POLE: variants seen among roughly 807,000 people sequenced by gnomAD.
POLE encodes DNA polymerase epsilon catalytic subunit A.
In POLE, 188 loss-of-function variants were observed where a neutral mutation model predicts 279.2. The ratio of observed to expected loss-of-function variants is 0.67; its 90% CI spans 0.60 to 0.76. POLE has a LOEUF of 0.76. POLE is among the 30% of genes least tolerant of loss of function. The pLI is 0.00. For missense variants in POLE, 2,703 were observed against 3,016.7 expected, an observed-to-expected ratio of 0.90 and a Z score of 2.44; for synonymous variants, 1,214 against 1,172.5, an observed-to-expected ratio of 1.04 and a Z score of -0.72.
At chr12:132,676,695 C>T (rs1255039604) in intron 8 of POLE, 42 bp from the exon 9 acceptor site, 1 of 1,260,592 alleles carries the variant, frequency 7.9e-7, no homozygotes, top group Non-Finnish European at 1.2e-6. Flanking sequence ...TCTAAACTCC[C>T]CATTAGGCCT....
chr12:132,626,340 C>T (rs375597878), intron 45 of POLE, 23 bp from the exon 46 acceptor site: 12 of 1,611,542 alleles, frequency 7.4e-6, no homozygotes, highest in Middle Eastern at 1.6e-4. Context: ...CAGCCCACAT[C>T]GGGAAGGAGC....
At chr12:132,679,442 T>C (rs1411111939) in intron 6 of POLE, 55 bp downstream of exon 6, 1 of 1,545,986 alleles carries the variant, frequency 6.5e-7, no homozygotes, top group Non-Finnish European at 8.8e-7. Flanking sequence ...TCCTGTCTCC[T>C]ATCCATCTTG....
chr12:132,680,726 T>C, intron 2 of POLE, 39 bp from the exon 3 acceptor site: 1 of 1,490,134 alleles, frequency 6.7e-7, no homozygotes, highest in African/African-American at 1.4e-5. Flanking sequence ...AAGACCATCC[T>C]CTACACAGTT....
intron 27 of POLE, 41 bp from the exon 28 acceptor site, chr12:132,657,470 A>G (rs2042571421): frequency 6.4e-7 from 1 of 1,553,180 alleles, no homozygotes; most frequent in African/African-American, 1.4e-5. Context: ...AGCAGGTGGC[A>G]GCAGCCAAGA....
chr12:132,648,863 T>C (rs2138594674), intron 32 of POLE, 66 bp downstream of exon 32: 1 of 1,537,642 alleles, frequency 6.5e-7, no homozygotes, highest in Admixed American at 1.8e-5. Flanking sequence ...GAGGCCAGGC[T>C]AGATCATGGG....
At chr12:132,662,575 G>A (rs2042703477) in intron 23 of POLE, among the ~76,000 whole-genome samples, 1 of 152,148 alleles carries the variant, frequency 6.6e-6, no homozygotes. Context: ...ATGAGAGACT[G>A]GAAGCTATGA....
At chr12:132,678,574 C>T (rs1164056351) in intron 6 of POLE, among the ~76,000 whole-genome samples, 1 of 152,132 alleles carries the variant, frequency 6.6e-6, no homozygotes, top group African/African-American at 2.4e-5. Flanking sequence ...AAGACCCTGT[C>T]TCAAAACAAA....
intron 32 of POLE, among the ~76,000 whole-genome samples, chr12:132,645,433 C>A (rs2042261200): frequency 6.6e-6 from 1 of 152,154 alleles, no homozygotes; most frequent in African/African-American, 2.4e-5. Flanking sequence ...TAGCTTCATG[C>A]ATGAACCAGC....
intron 29 of POLE, 75 bp downstream of exon 29, chr12:132,657,061 C>G: frequency 3.3e-6 from 5 of 1,509,264 alleles, no homozygotes; most frequent in South Asian, 1.1e-5. Flanking sequence ...ACAGCACACA[C>G]AGCAGCGCAA....
At position 132,638,060 on chromosome 12, in the gene POLE, G is replaced by A. The variant is rs199979862; in HGVS notation, c.5632C>T (p.Arg1878Cys). 4 of 1,613,944 alleles carry A rather than the reference G, an allele frequency of 2.5e-6. No homozygotes were observed. Among genetic ancestry groups the A allele is most frequent in the East Asian group, 2.2e-5 (1 of 44,876 alleles). The part of the protein sequence containing the change: ...FNRIILCTKK[R>C]RVEDAIAYVE... ...TAAGCGATGGCATCTTCCACACGGC[G>A]CTTCTTTGTACAGAGGATGATGCGG... is the stretch of plus-strand genomic sequence containing the variant. The change falls in exon 41 of 49, where the codon CGC becomes TGC. Residue 1878 changes from arginine to cysteine, a missense_variant. By Grantham distance (180) the Arg-to-Cys change is radical. Transcript: ENST00000320574.
In POLE at chr12:132,672,684, G is replaced by A. The variant is rs1351573240; in HGVS notation, c.1629C>T (p.His543=). The A allele has an allele frequency of 2.5e-6, 4 of 1,614,146 alleles. No homozygotes were observed. Among genetic ancestry groups the A allele is most frequent in the Admixed American group, 1.7e-5 (1 of 60,038 alleles). The part of the protein sequence containing the change: ...VLDSETYVGG[H]VEALESGVFR... ...AAACCCCAGACTCGAGGGCCTCCACGTGGCCCCCGACGTAGGTCTCAGAGT... is the reference window on the plus strand; with the variant it reads ...AAACCCCAGACTCGAGGGCCTCCACATGGCCCCCGACGTAGGTCTCAGAGT... The change falls in exon 15 of 49, where the codon CAC becomes CAT. Residue 543 remains histidine (H), a synonymous_variant. Transcript: ENST00000320574.
At chr12:132,681,390 C>T (rs1178403600) in intron 1 of POLE, 111 bp from the exon 2 acceptor site, 7 of 1,134,100 alleles carry the variant, frequency 6.2e-6, no homozygotes, top group Non-Finnish European at 8.6e-6. Context: ...GTCGCCTAGG[C>T]TGGAGTGCAG....
intron 45 of POLE, among the ~76,000 whole-genome samples, chr12:132,630,602 T>A (rs563853220): frequency 6.6e-6 from 1 of 151,726 alleles, no homozygotes; most frequent in Non-Finnish European, 1.5e-5. Context: ...ATACAAAAAA[T>A]TGGGGGGGCG....
chr12:132,672,484 G>T, intron 15 of POLE, 143 bp downstream of exon 15: 1 of 1,063,152 alleles, frequency 9.4e-7, no homozygotes, highest in East Asian at 2.5e-5. Context: ...AGCCCCCGGG[G>T]GGTGCTGGGC....
rs1453853935 is a variant in POLE at position 132,634,162 on chromosome 12, C to T, written c.6004+24G>A. 18 of 1,584,280 alleles carry T rather than the reference C, an allele frequency of 1.1e-5. No homozygotes were observed. Among genetic ancestry groups the T allele is most frequent in the East Asian group, 2.2e-5 (1 of 44,614 alleles). On this transcript the variant is annotated intron_variant, in intron 43 of 48. Coordinates refer to ENST00000320574, the MANE Select transcript of POLE (RefSeq NM_006231.4). The surrounding 1 kb of genome is among the most constrained non-coding windows in gnomAD (Gnocchi z 4.0). Reference sequence around the variant, plus strand: ...CCATGAGTCCCTTCAGTGGGGGCTGCGCAGCCCTGGGCTCTGGGCTTACCT... The same window carrying T: ...CCATGAGTCCCTTCAGTGGGGGCTGTGCAGCCCTGGGCTCTGGGCTTACCT...
chr12:132,634,152 G>T lies in POLE; in HGVS notation c.6004+34C>A. Reference sequence around the variant, plus strand: ...CATCTACTAACCATGAGTCCCTTCAGTGGGGGCTGCGCAGCCCTGGGCTCT... The same window carrying T: ...CATCTACTAACCATGAGTCCCTTCATTGGGGGCTGCGCAGCCCTGGGCTCT... On this transcript the variant is annotated intron_variant, in intron 43 of 48. Coordinates refer to ENST00000320574, the MANE Select transcript of POLE (RefSeq NM_006231.4). This position sits in a 1 kb window ranked among gnomAD's most constrained non-coding sequence, Gnocchi z 4.0. The T allele has an allele frequency of 1.3e-6, 2 of 1,562,512 alleles. No individual in the cohort carries two copies. The highest frequency in any genetic ancestry group is 1.7e-6 in the Non-Finnish European group (2 of 1,144,694).
chr12:132,624,134 G>A lies in POLE; in HGVS notation c.*563C>T, dbSNP rs1393520839. 1.4e-5 allele frequency: 3 copies of A among 214,368 alleles called. No individual in the cohort carries two copies. The highest frequency in any genetic ancestry group is 2.8e-5 in the Non-Finnish European group (3 of 106,406). 13.3% of individuals were successfully genotyped at this position (214,368 alleles called of 1,614,324 possible). ...AGCAGGGCTCACAAGCCAAAATCCA[G>A]ATTCTCACGGGTTAGGGTCTGGATT... is the stretch of plus-strand genomic sequence containing the variant. On this transcript the variant is annotated 3_prime_UTR_variant, in exon 49 of 49. Coordinates refer to ENST00000320574, the MANE Select transcript of POLE (RefSeq NM_006231.4).
At position 132,668,261 on chromosome 12, in the gene POLE, G is replaced by A. The variant is rs2135973587; in HGVS notation, c.2173+95C>T. The A allele has an allele frequency of 7.0e-7, 1 of 1,435,674 alleles. No homozygotes were observed. The allele number at this position is 1,435,674 out of a possible 1,614,324, so 88.9% of individuals were successfully genotyped here. The stretch of plus-strand genomic sequence containing the variant: ...TGGTCTGCTGTGACAACACCTCTGG[G>A]GCCCCAGCTGGGATGGACCAACGCA... On this transcript the variant is annotated intron_variant, in intron 19 of 48. Transcript: ENST00000320574. The surrounding 1 kb of genome is among the most constrained non-coding windows in gnomAD (Gnocchi z 4.0).
intron 9 of POLE, 116 bp downstream of exon 9, chr12:132,676,430 G>T: frequency 1.3e-6 from 1 of 777,110 alleles, no homozygotes; most frequent in Non-Finnish European, 2.2e-6. Flanking sequence ...TCCCATTCCT[G>T]GACTAACTCA....
Sources: gnomAD v4.1 joint callset for allele counts (sites outside exome capture counted in the v4.1 genomes callset) on GRCh38, gnomAD v4.1.1 for gene constraint, Gnocchi (gnomAD v3.1) non-coding constraint, MANE v1.5 for transcripts, NCBI Gene and HGNC (gene_info 2026-07-23, HGNC 2026-07-21) for gene names.